The following IMMP2L variants were observed in gnomAD, a reference collection of about 807,000 sequenced individuals.
IMMP2L encodes the protein mitochondrial inner membrane protease subunit 2.
A neutral mutation model predicts 19.3 loss-of-function variants in IMMP2L; 18 were observed. The ratio of observed to expected loss-of-function variants is 0.93; its 90% CI spans 0.64 to 1.38. IMMP2L has a LOEUF of 1.38. IMMP2L is among the 40% of genes most tolerant of loss of function. The pLI, the probability that IMMP2L is intolerant of heterozygous loss-of-function variation, is 0.00. For synonymous variants in IMMP2L, 76 were observed against 73.0 expected (o/e 1.04, Z -0.21); for missense variants, 233 against 218.2 (o/e 1.07, Z -0.43).
chr7:111,529,620 A>C (rs1243947348), intron 1 of IMMP2L, among the ~76,000 whole-genome samples: 1 of 152,176 alleles, frequency 6.6e-6, no homozygotes, highest in Non-Finnish European at 1.5e-5. Context: ...AAAAATAATA[A>C]AGGAGGAGAA....
intron 3 of IMMP2L, among the ~76,000 whole-genome samples, chr7:111,418,891 T>A (rs1333180619): frequency 6.6e-6 from 1 of 151,802 alleles, no homozygotes; most frequent in African/African-American, 2.4e-5. Flanking sequence ...ATGCAAATAG[T>A]CCCTAAGTTT....
chr7:110,831,687 A>G (rs1563007399), intron 5 of IMMP2L, among the ~76,000 whole-genome samples: 1 of 152,212 alleles, frequency 6.6e-6, no homozygotes, highest in Non-Finnish European at 1.5e-5. Flanking sequence ...TGCAATAGCA[A>G]GTATAAAAAT....
chr7:111,066,634 C>A (rs1794528907), intron 3 of IMMP2L, among the ~76,000 whole-genome samples: 1 of 152,130 alleles, frequency 6.6e-6, no homozygotes, highest in African/African-American at 2.4e-5. Flanking sequence ...AACTCCAGAT[C>A]CACTCTCCCT....
chr7:111,368,421 A>G (rs1476157065), intron 3 of IMMP2L, among the ~76,000 whole-genome samples: 3 of 151,992 alleles, frequency 2.0e-5, no homozygotes, highest in African/African-American at 7.2e-5. Context: ...TCAGTCAGAC[A>G]CATTCTCTCA....
At chr7:111,103,589 T>C (rs1798217154) in intron 3 of IMMP2L, among the ~76,000 whole-genome samples, 1 of 151,688 alleles carries the variant, frequency 6.6e-6, no homozygotes, top group Admixed American at 6.6e-5. Context: ...AGTAGTTCTA[T>C]TTTGTTCTGT....
chr7:111,291,787 GAGGA>G lies in IMMP2L; in HGVS notation c.239+195447_239+195450del, dbSNP rs1184891680. ...CCACAAAAAAATGACAAGTATATTA[GAGGA>G]AGGATTTGTTAATTAACAGATTTAA... On this transcript the variant is annotated intron_variant, in intron 3 of 5. Coordinates refer to ENST00000405709, the MANE Select transcript of IMMP2L (RefSeq NM_032549.4). 3.9e-5 allele frequency among the ~76,000 whole-genome samples: 6 copies of G among 152,242 alleles called. No individual in the cohort carries two copies. In the South Asian group the frequency reaches 8.3e-4, roughly 21 times the overall value.
intron 2 of IMMP2L, among the ~76,000 whole-genome samples, chr7:111,498,914 G>C (rs539741960): frequency 6.6e-6 from 1 of 152,196 alleles, no homozygotes; most frequent in African/African-American, 2.4e-5. Flanking sequence ...ATAGGAAACA[G>C]CTTATCAAAA....
At chr7:111,279,639 T>C (rs1048634127) in intron 3 of IMMP2L, among the ~76,000 whole-genome samples, 1 of 152,120 alleles carries the variant, frequency 6.6e-6, no homozygotes, top group African/African-American at 2.4e-5. Flanking sequence ...TGATATCACA[T>C]AGGAAGGGAC....
chr7:111,239,427 C>T (rs1157088348), intron 3 of IMMP2L, among the ~76,000 whole-genome samples: 2 of 151,848 alleles, frequency 1.3e-5, no homozygotes, highest in Non-Finnish European at 2.9e-5. Context: ...TGCTCTCATA[C>T]TTAATGACAA....
intron 5 of IMMP2L, among the ~76,000 whole-genome samples, chr7:110,859,904 A>T (rs1352326872): frequency 6.6e-6 from 1 of 152,124 alleles, no homozygotes; most frequent in East Asian, 1.9e-4. Context: ...CTTCACAATC[A>T]TACTCATAAA....
intron 3 of IMMP2L, among the ~76,000 whole-genome samples, chr7:111,446,158 T>C (rs548054432): frequency 0.015 from 2,318 of 152,222 alleles, 61 homozygotes; most frequent in African/African-American, 0.053. Context: ...CCAGGCTTGC[T>C]TAGGTAAACA....
intron 3 of IMMP2L, among the ~76,000 whole-genome samples, chr7:111,101,594 A>T (rs1563243206): frequency 6.6e-6 from 1 of 151,554 alleles, no homozygotes; most frequent in East Asian, 1.9e-4. Flanking sequence ...CAGAATATAC[A>T]TAGGTACAAC....
At chr7:111,064,612 A>AC (rs1794321972) in intron 3 of IMMP2L, among the ~76,000 whole-genome samples, 1 of 152,046 alleles carries the variant, frequency 6.6e-6, no homozygotes, top group Non-Finnish European at 1.5e-5. Flanking sequence ...TCCTGTTCCC[A>AC]CAGTATTATA....
intron 3 of IMMP2L, among the ~76,000 whole-genome samples, chr7:111,031,407 T>TGTGTGTGTGTGTGTGTGA (rs147571783): frequency 5.0e-4 from 74 of 147,086 alleles, no homozygotes; most frequent in Non-Finnish European, 8.3e-4. Context: ...TGTGTGTGTG[T>TGTGTGTGTGTGTGTGTGA]GAGAGAAAGA....
In IMMP2L at chr7:111,485,597, C is replaced by CAAAAAAAAAAAAAAA. The variant is rs71147477; in HGVS notation, c.239+1626_239+1640dup. Among the ~76,000 whole-genome samples the CAAAAAAAAAAAAAAA allele has an allele frequency of 1.8e-4, 9 of 50,590 alleles. 3 individuals are homozygous for CAAAAAAAAAAAAAAA. The highest frequency in any genetic ancestry group is 7.7e-4 in the African/African-American group (9 of 11,684). 33.2% of individuals were successfully genotyped at this position (50,590 alleles called of 152,430 possible). ...TGCGCAACAGAGCGAGACTCTGTTT[C>CAAAAAAAAAAAAAAA]AAAAAAAAAAAAAAAAAAAAAAAAA... On this transcript the variant is annotated intron_variant, in intron 3 of 5. Transcript: ENST00000405709.
intron 5 of IMMP2L, among the ~76,000 whole-genome samples, chr7:110,676,462 A>G (rs1792308183): frequency 6.6e-6 from 1 of 152,266 alleles, no homozygotes; most frequent in Admixed American, 6.5e-5. Flanking sequence ...CTGATTGGAC[A>G]GGCAGAGGTT....
intron 3 of IMMP2L, among the ~76,000 whole-genome samples, chr7:111,423,825 A>T (rs1835816967): frequency 6.6e-6 from 1 of 151,884 alleles, no homozygotes; most frequent in South Asian, 2.1e-4. Flanking sequence ...GAAGTGAAAG[A>T]CACAAAAAAT....
chr7:110,933,264 A>T (rs1175494553), intron 4 of IMMP2L, among the ~76,000 whole-genome samples: 1 of 152,162 alleles, frequency 6.6e-6, no homozygotes, highest in East Asian at 1.9e-4. Context: ...GTGATTAAAC[A>T]CTGGGTTCTC....
intron 3 of IMMP2L, among the ~76,000 whole-genome samples, chr7:111,052,597 C>G (rs1414231777): frequency 6.6e-6 from 1 of 152,144 alleles, no homozygotes; most frequent in East Asian, 1.9e-4. Context: ...CCTGTAACTT[C>G]TATCTCCCTA....
Sources: gnomAD v4.1 joint callset for allele counts (sites outside exome capture counted in the v4.1 genomes callset) on GRCh38, gnomAD v4.1.1 for gene constraint, MANE v1.5 for transcripts, NCBI Gene and HGNC (gene_info 2026-07-23, HGNC 2026-07-21) for gene names.